The following WDR72 variants were observed in gnomAD, a reference collection of about 807,000 sequenced individuals.
WDR72 encodes WD repeat-containing protein 72.
In WDR72, 120 loss-of-function variants were observed where a neutral mutation model predicts 124.2. The observed-to-expected ratio is 0.97, with a 90% confidence interval of 0.83 to 1.12. The LOEUF is 1.12. Among genes scored for constraint, WDR72 ranks in the 50% most tolerant of loss-of-function variants. The probability of loss-of-function intolerance (pLI) is 0.00; values close to 1 mark genes in which losing one functional copy is unlikely to be tolerated. For missense variants in WDR72, 1,387 were observed against 1,278.8 expected (o/e 1.08, Z -1.29); for synonymous variants, 452 against 441.7 (o/e 1.02, Z -0.29).
Position 53,599,112 on chromosome 15 carries a change from G to GGT in WDR72, c.2953-1840_2953-1839dup, listed in dbSNP as rs553431880. On this transcript the variant is annotated intron_variant, in intron 17 of 19. Transcript: ENST00000360509. The stretch of plus-strand genomic sequence containing the variant: ...GCACTCCGGCCTGGATGACAAATAT[G>GGT]GTATATATATATATACCACTTCTGA... Among the ~76,000 whole-genome samples the GGT allele has an allele frequency of 1.9e-4, 29 of 150,754 alleles. No individual in the cohort carries two copies. In the South Asian group the frequency reaches 5.5e-3, roughly 29 times the overall value.
intron 19 of WDR72, among the ~76,000 whole-genome samples, 195 bp from the exon 20 acceptor site, chr15:53,517,949 T>A (rs563240875): frequency 9.8e-4 from 149 of 152,070 alleles, no homozygotes; most frequent in Non-Finnish European, 1.8e-3. Context: ...CATCCTAAAA[T>A]AAGACAAGTT....
chr15:53,699,332 T>C (rs1423402965), intron 13 of WDR72, among the ~76,000 whole-genome samples: 1 of 152,268 alleles, frequency 6.6e-6, no homozygotes, highest in East Asian at 1.9e-4. Context: ...CTTTTTGGAG[T>C]TTTATAATTA....
intron 18 of WDR72, among the ~76,000 whole-genome samples, chr15:53,523,642 T>C (rs978102968): frequency 1.3e-5 from 2 of 152,030 alleles, no homozygotes; most frequent in African/African-American, 4.8e-5. Flanking sequence ...AACAATATAG[T>C]CAATTAACAG....
chr15:53,693,132 G>T (rs931390745), intron 13 of WDR72, among the ~76,000 whole-genome samples: 1 of 152,132 alleles, frequency 6.6e-6, no homozygotes, highest in South Asian at 2.1e-4. Flanking sequence ...TCTACAAAGC[G>T]GTGACCTTGA....
At chr15:53,608,021 G>A (rs1406112211) in intron 17 of WDR72, among the ~76,000 whole-genome samples, 1 of 152,144 alleles carries the variant, frequency 6.6e-6, no homozygotes. Flanking sequence ...AAGCTGGTGA[G>A]GATGTGGAGA....
intron 13 of WDR72, among the ~76,000 whole-genome samples, chr15:53,671,791 T>C: frequency 6.6e-6 from 1 of 152,138 alleles, no homozygotes; most frequent in African/African-American, 2.4e-5. Context: ...TTTCTGAATG[T>C]GACGTGTTGT....
intron 14 of WDR72, among the ~76,000 whole-genome samples, chr15:53,635,866 T>C (rs1162223131): frequency 6.6e-6 from 1 of 151,994 alleles, no homozygotes; most frequent in Admixed American, 6.6e-5. Flanking sequence ...AAAAACAAAA[T>C]GCTGCTGTTA....
rs186718447 is a variant in WDR72, at chr15:53,522,259, C to T, written c.3253+959G>A. ...GGGGACTGTTTGTTTGCAGCTGCCC[C>T]CTGTCAACAAAGGCTACAAGATTTG... On this transcript the variant is annotated intron_variant, in intron 19 of 19. Transcript: ENST00000360509. Among the ~76,000 whole-genome samples the T allele has an allele frequency of 2.1e-3, 316 of 152,082 alleles. 4 individuals carry two copies. Among genetic ancestry groups the T allele is most frequent in the African/African-American group, 7.2e-3 (299 of 41,514 alleles).
Position 53,517,179 on chromosome 15 carries a change from A to C in WDR72, c.*520T>G, listed in dbSNP as rs1891510752. The C allele has an allele frequency of 1.2e-5, 2 of 162,500 alleles. No individual in the cohort carries two copies. The highest frequency in any genetic ancestry group is 3.4e-4 in the South Asian group (2 of 5,916). 10.1% of individuals were successfully genotyped at this position (162,500 alleles called of 1,614,324 possible). On this transcript the variant is annotated 3_prime_UTR_variant, in exon 20 of 20. Transcript: ENST00000360509. ...TGACAACATTTCATGCTTAGGGATG[A>C]GATTTACTGCAGTAATTGATCCGAA...
At chr15:53,529,164 A>ATATATAT (rs59003623) in intron 18 of WDR72, among the ~76,000 whole-genome samples, 3,649 of 77,706 alleles carry the variant, frequency 0.047, 67 homozygotes, top group Admixed American at 0.079. Flanking sequence ...ATATATATAT[A>ATATATAT]TTTTTTTTTT....
intron 18 of WDR72, among the ~76,000 whole-genome samples, chr15:53,534,070 T>C (rs1892623669): frequency 6.6e-6 from 1 of 152,186 alleles, no homozygotes; most frequent in Admixed American, 6.6e-5. Flanking sequence ...ATGGAACCTC[T>C]GGTGCTGAAA....
upstream of WDR72, among the ~76,000 whole-genome samples, chr15:53,760,995 GT>G (rs1266621710): frequency 6.6e-6 from 1 of 152,012 alleles, no homozygotes; most frequent in African/African-American, 2.4e-5. Context: ...ATGGTGGTGT[GT>G]GCCTGTAGTC....
At chr15:53,649,604 T>TA (rs2015160932) in intron 14 of WDR72, among the ~76,000 whole-genome samples, 1 of 151,608 alleles carries the variant, frequency 6.6e-6, no homozygotes, top group South Asian at 2.1e-4. Flanking sequence ...ACCCTAATAA[T>TA]AAAAAAACCA....
At chr15:53,722,277 C>T (rs991176889) in intron 3 of WDR72, among the ~76,000 whole-genome samples, 5 of 152,020 alleles carry the variant, frequency 3.3e-5, no homozygotes, top group East Asian at 1.9e-4. Context: ...TCAGGTGATC[C>T]GCCTGACTCA....
intron 18 of WDR72, among the ~76,000 whole-genome samples, chr15:53,537,177 G>A (rs1428301100): frequency 1.3e-5 from 2 of 152,104 alleles, no homozygotes; most frequent in East Asian, 3.9e-4. Flanking sequence ...TATGTGACTT[G>A]TAATCCTTAA....
Position 53,615,494 on chromosome 15 carries a change from C to T in WDR72, c.2712G>A (p.Leu904=). ...SLRESDTIVY[L]LSRLFLVNKL... The stretch of plus-strand genomic sequence containing the variant: ...TATTAACTAAAAATAGTCTGCTCAA[C>T]AAATAAACTATAGTATCTGACTCTC... Residue 904 remains leucine, a synonymous_variant, in exon 15 of 20, where the codon TTG becomes TTA. Coordinates refer to ENST00000360509, the MANE Select transcript of WDR72 (RefSeq NM_182758.4). The T allele has an allele frequency of 6.2e-6, 10 of 1,612,468 alleles. No individual in the cohort carries two copies. The highest frequency in any genetic ancestry group is 8.5e-6 in the Non-Finnish European group (10 of 1,179,246).
At chr15:53,553,380 G>C (rs1893812528) in intron 18 of WDR72, among the ~76,000 whole-genome samples, 1 of 152,142 alleles carries the variant, frequency 6.6e-6, no homozygotes, top group Non-Finnish European at 1.5e-5. Context: ...CCTCAACCCA[G>C]GTTGTGGGTG....
chr15:53,615,572 A>G lies in WDR72; in HGVS notation c.2634T>C (p.Leu878=). 1 of 1,613,168 alleles carries G rather than the reference A, an allele frequency of 6.2e-7. No individual in the cohort carries two copies. Residue 878 remains leucine (L), a synonymous_variant, in exon 15 of 20, where the codon CTT becomes CTC. Transcript: ENST00000360509. ...LDLSDKYTAT[L]PNQVGIPRGL... ...CTCTTGGAATTCCAACCTGATTTGG[A>G]AGAGTGGCTGTGTATTTATCTGACA...
chr15:53,539,086 G>C (rs1377228465), intron 18 of WDR72, among the ~76,000 whole-genome samples: 1 of 151,968 alleles, frequency 6.6e-6, no homozygotes, highest in South Asian at 2.1e-4. Context: ...AGAAAATAAA[G>C]TAACATACTT....
Sources: allele counts gnomAD v4.1 joint callset (sites outside exome capture counted in the v4.1 genomes callset), GRCh38; gene constraint gnomAD v4.1.1; transcripts MANE v1.5; gene names NCBI Gene and HGNC (gene_info 2026-07-23, HGNC 2026-07-21).